Variants in ARHGEF28 observed in about 807,000 individuals in gnomAD.
The protein encoded by ARHGEF28 is Rho guanine nucleotide exchange factor 28.
Under a neutral mutation model 206.6 loss-of-function variants are expected in ARHGEF28, and 152 were observed. The ratio of observed to expected loss-of-function variants is 0.74; its 90% CI spans 0.64 to 0.84. The LOEUF is 0.84. ARHGEF28 is among the 40% of genes least tolerant of loss of function. The pLI is 0.00. For synonymous variants in ARHGEF28, 763 were observed against 776.4 expected, an observed-to-expected ratio of 0.98 and a Z score of 0.29; for missense variants, 2,028 against 2,073.2, an observed-to-expected ratio of 0.98 and a Z score of 0.42.
intron 2 of ARHGEF28, among the ~76,000 whole-genome samples, chr5:73,716,549 C>A (rs1749597055): frequency 6.6e-6 from 1 of 152,230 alleles, no homozygotes; most frequent in African/African-American, 2.4e-5. Context: ...CTAGGAGCGT[C>A]CTCATTGTGG....
Position 73,940,882 on chromosome 5 carries a change from G to T in ARHGEF28, c.4987G>T (p.Asp1663Tyr). The change falls in exon 36 of 36, where the codon GAC (aspartate) becomes TAC (tyrosine). Residue 1663 changes from aspartate (D) to tyrosine (Y), a missense_variant. Around this residue, in one of 3 missense-constraint regions of ARHGEF28, gnomAD observed 803 missense variants for 768.0 expected, o/e 1.05. Coordinates refer to ENST00000513042, the MANE Select transcript of ARHGEF28 (RefSeq NM_001177693.2). ...TSHTESPTPH[D>Y]SNSHRPQLQA... is the part of the protein sequence containing the mutation. Reference sequence around the variant, plus strand: ...CCACACTGAGTCCCCAACCCCCCATGACTCAAATTCACACCGCCCTCAACT... The same window carrying T: ...CCACACTGAGTCCCCAACCCCCCATTACTCAAATTCACACCGCCCTCAACT... The T allele has an allele frequency of 1.3e-6, 2 of 1,531,134 alleles. No individual in the cohort carries two copies. The highest frequency in any genetic ancestry group is 2.4e-5 in the South Asian group (2 of 82,980). 94.8% of individuals were successfully genotyped at this position (1,531,134 alleles called of 1,614,324 possible).
intron 14 of ARHGEF28, 112 bp downstream of exon 14, chr5:73,852,804 A>G (rs1758788230): frequency 4.5e-6 from 5 of 1,106,522 alleles, no homozygotes; most frequent in Non-Finnish European, 6.9e-6. Flanking sequence ...TCCATGTAAC[A>G]AGCCTGCCTA....
At chr5:73,864,226 C>T (rs1759568400) in intron 16 of ARHGEF28, among the ~76,000 whole-genome samples, 1 of 152,172 alleles carries the variant, frequency 6.6e-6, no homozygotes, top group Non-Finnish European at 1.5e-5. Flanking sequence ...TATTCCCTTA[C>T]ATTCTTCCAG....
chr5:73,933,197 A>G (rs1038172144), intron 35 of ARHGEF28, among the ~76,000 whole-genome samples: 21 of 152,186 alleles, frequency 1.4e-4, no homozygotes, highest in African/African-American at 5.1e-4. Context: ...ATTCCAAGAA[A>G]ACGTTAACTC....
chr5:73,676,700 G>A (rs1190179104), intron 1 of ARHGEF28, among the ~76,000 whole-genome samples: 2 of 152,134 alleles, frequency 1.3e-5, no homozygotes, highest in African/African-American at 2.4e-5. Context: ...TTTTTAAGTT[G>A]TTAATGGGTC....
At chr5:73,738,042 A>G (rs1037560237) in intron 2 of ARHGEF28, among the ~76,000 whole-genome samples, 48 of 152,332 alleles carry the variant, frequency 3.2e-4, no homozygotes, top group African/African-American at 1.1e-3. Context: ...GGAGCCCAGA[A>G]GAGAAGAGAC....
intron 7 of ARHGEF28, among the ~76,000 whole-genome samples, chr5:73,790,241 TG>T (rs1267521833): frequency 6.6e-6 from 1 of 151,972 alleles, no homozygotes; most frequent in African/African-American, 2.4e-5. Context: ...ATTAAGACTC[TG>T]GCCAGAATTG....
chr5:73,887,715 G>A (rs757397431), intron 26 of ARHGEF28, 36 bp downstream of exon 26: 35 of 1,476,316 alleles, frequency 2.4e-5, no homozygotes, highest in East Asian at 2.5e-5. Context: ...TTAAAAAATA[G>A]GTTTAACCAC....
At chr5:73,801,517 G>A (rs1755135109) in intron 9 of ARHGEF28, among the ~76,000 whole-genome samples, 1 of 152,070 alleles carries the variant, frequency 6.6e-6, no homozygotes, top group Non-Finnish European at 1.5e-5. Context: ...TAGAAGCTGT[G>A]ACCCCTGTGA....
chr5:73,854,235 T>G (rs529139531), intron 14 of ARHGEF28, among the ~76,000 whole-genome samples: 87 of 152,300 alleles, frequency 5.7e-4, no homozygotes, highest in African/African-American at 1.9e-3. Context: ...GTTACAGGTA[T>G]TTACCTGAGA....
chr5:73,940,437 C>G (rs199975224), intron 35 of ARHGEF28, among the ~76,000 whole-genome samples: 1 of 152,152 alleles, frequency 6.6e-6, no homozygotes, highest in East Asian at 1.9e-4. Flanking sequence ...GTTATTTGAG[C>G]CTTGAAGTCA....
chr5:73,803,607 CTA>C (rs1696939141), intron 9 of ARHGEF28: 1 of 159,430 alleles, frequency 6.3e-6, no homozygotes, highest in Non-Finnish European at 1.5e-5. Context: ...CATGGGGACT[CTA>C]TGTGCCTGAG....
intron 1 of ARHGEF28, among the ~76,000 whole-genome samples, chr5:73,628,606 G>A (rs982252244): frequency 2.6e-5 from 4 of 152,034 alleles, no homozygotes; most frequent in East Asian, 1.9e-4. Flanking sequence ...TCCCCCCACC[G>A]GCCCCCGCCC....
chr5:73,634,159 C>G (rs1271723655), intron 1 of ARHGEF28, among the ~76,000 whole-genome samples: 6 of 152,058 alleles, frequency 3.9e-5, no homozygotes, highest in Non-Finnish European at 7.4e-5. Flanking sequence ...TTATTCAATG[C>G]CTGAGGAAAC....
At chr5:73,654,737 C>G (rs1745072053) in intron 1 of ARHGEF28, among the ~76,000 whole-genome samples, 1 of 152,186 alleles carries the variant, frequency 6.6e-6, no homozygotes, top group South Asian at 2.1e-4. Flanking sequence ...TCTCTTTCAT[C>G]CAGATACAGA....
intron 7 of ARHGEF28, among the ~76,000 whole-genome samples, chr5:73,783,530 A>C (rs115374246): frequency 9.3e-4 from 141 of 152,134 alleles, no homozygotes; most frequent in African/African-American, 3.3e-3. Flanking sequence ...CTTTGGTGGG[A>C]GTATGGGGAA....
chr5:73,657,066 G>T (rs549819597), intron 1 of ARHGEF28, among the ~76,000 whole-genome samples: 1 of 151,310 alleles, frequency 6.6e-6, no homozygotes, highest in East Asian at 2.0e-4. Flanking sequence ...CCAGCTACTT[G>T]GGAGTCTGAG....
rs114097810 is a variant in ARHGEF28 at position 73,917,684 on chromosome 5, C to G, written c.4948+6109C>G. ...CATGCGGGTGTCTGTTCATCTCTACCCTGGGTTCCAGTTTAATTTGGACAA... is the reference window on the plus strand; with the variant it reads ...CATGCGGGTGTCTGTTCATCTCTACGCTGGGTTCCAGTTTAATTTGGACAA... On this transcript the variant is annotated intron_variant, in intron 35 of 35. Coordinates refer to ENST00000513042, the MANE Select transcript of ARHGEF28 (RefSeq NM_001177693.2). 9.9e-3 allele frequency among the ~76,000 whole-genome samples: 1,511 copies of G among 152,290 alleles called. 19 individuals are homozygous for G. The highest frequency in any genetic ancestry group is 0.034 in the African/African-American group (1,417 of 41,556).
chr5:73,831,818 A>T (rs1450174763), intron 9 of ARHGEF28, among the ~76,000 whole-genome samples: 1 of 152,154 alleles, frequency 6.6e-6, no homozygotes, highest in African/African-American at 2.4e-5. Flanking sequence ...CAGCCTCCTG[A>T]GTAGCTGGGA....
Sources: allele counts gnomAD v4.1 joint callset (sites outside exome capture counted in the v4.1 genomes callset), GRCh38; gene constraint gnomAD v4.1.1; regional missense constraint gnomAD v4.1.1; transcripts MANE v1.5; gene names NCBI Gene and HGNC (gene_info 2026-07-23, HGNC 2026-07-21).